RBM41: variants seen among roughly 807,000 people sequenced by gnomAD.
The protein encoded by RBM41 is RNA-binding protein 41.
RBM41 carries 14 observed loss-of-function variants against 30.8 expected under a neutral mutation model. The observed-to-expected ratio is 0.45, with a 90% CI of 0.30 to 0.71. RBM41 has a LOEUF of 0.71. Ranked by LOEUF, RBM41 falls within the 30% of genes least tolerant of loss-of-function variation. The pLI is 0.08. For synonymous variants in RBM41, 120 were observed against 110.1 expected, an observed-to-expected ratio of 1.09 and a Z score of -0.56; for missense variants, 276 against 326.3, an observed-to-expected ratio of 0.85 and a Z score of 1.19.
At chrX:107,079,632 A>G (rs928636840) in intron 6 of RBM41, among the ~76,000 whole-genome samples, 4 of 111,725 alleles carry the variant, frequency 3.6e-5, no homozygotes, top group Non-Finnish European at 5.7e-5. Context: ...AACCTCCTAA[A>G]TGAGTTTTTA....
At chrX:107,097,046 C>T (rs1344419306) in intron 5 of RBM41, among the ~76,000 whole-genome samples, 3 of 111,815 alleles carry the variant, frequency 2.7e-5, no homozygotes, top group Non-Finnish European at 5.6e-5. Context: ...ACTGAAATGG[C>T]TGTAATAAAA....
rs781762089 is a variant in RBM41, at chrX:107,065,092, T to C, written c.*2435A>G. On this transcript the variant is annotated 3_prime_UTR_variant, in exon 8 of 8. Coordinates refer to ENST00000685964, the MANE Select transcript of RBM41 (RefSeq NM_001324242.2). ...TAGAATAGCCACTCCAGCTTTCTTA[T>C]GGCTGTTGTCTGTGTGATATATTTG... 2.7e-5 allele frequency: 3 copies of C among 112,114 alleles called. No individual in the cohort carries two copies. Among genetic ancestry groups the C allele is most frequent in the South Asian group, 7.5e-4 (2 of 2,672 alleles). The allele number at this position is 112,114 out of a possible 1,213,427, so 9.2% of individuals were successfully genotyped here.
chrX:107,115,244 C>T, intron 4 of RBM41, 108 bp downstream of exon 4: 1 of 825,588 alleles, frequency 1.2e-6, no homozygotes, highest in Non-Finnish European at 1.8e-6. Flanking sequence ...AAAGTAGTGA[C>T]AATTTGTCTT....
rs769455123 is a variant in RBM41, at chrX:107,118,518, T to A, written c.8+248A>T. 5.7e-3 allele frequency among the ~76,000 whole-genome samples: 630 copies of A among 110,572 alleles called. 6 individuals carry two copies. The highest frequency in any genetic ancestry group is 0.02 in the African/African-American group (610 of 30,377). On this transcript the variant is annotated intron_variant, in intron 1 of 7. Coordinates refer to ENST00000685964, the MANE Select transcript of RBM41 (RefSeq NM_001324242.2). ...GACGAAGCCGCAGCACCCGGCCAGCTCCCGGGGCCCGTGCCGGGAGGGCAT... is the reference window on the plus strand; with the variant it reads ...GACGAAGCCGCAGCACCCGGCCAGCACCCGGGGCCCGTGCCGGGAGGGCAT...
At chrX:107,078,752 G>A (rs1285545) in intron 6 of RBM41, among the ~76,000 whole-genome samples, 5,522 of 103,728 alleles carry the variant, frequency 0.053, 372 homozygotes, top group African/African-American at 0.19. Flanking sequence ...TCATCATGTC[G>A]AAGAACAATA....
At chrX:107,117,394 C>T (rs1924965559) in intron 1 of RBM41, among the ~76,000 whole-genome samples, 1 of 111,752 alleles carries the variant, frequency 8.9e-6, no homozygotes, top group Admixed American at 9.5e-5. Flanking sequence ...AGTTATGAAA[C>T]TACTGAAGTA....
At chrX:107,107,848 A>T (rs917230227) in intron 5 of RBM41, among the ~76,000 whole-genome samples, 2 of 111,200 alleles carry the variant, frequency 1.8e-5, no homozygotes, top group African/African-American at 3.3e-5. Flanking sequence ...ATGGTATGTG[A>T]ATTTAAGAGA....
At chrX:107,077,130 C>A (rs1251248011) in intron 6 of RBM41, among the ~76,000 whole-genome samples, 1 of 111,088 alleles carries the variant, frequency 9.0e-6, no homozygotes, top group Non-Finnish European at 1.9e-5. Flanking sequence ...AGACTGTTCC[C>A]TTTGATATGA....
chrX:107,057,363 TTG>T (rs5903295), downstream of RBM41, among the ~76,000 whole-genome samples: 30,550 of 110,907 alleles, frequency 0.28, 3,782 homozygotes, highest in East Asian at 0.47. Context: ...TTTTGGTATG[TTG>T]TGTTTTTGTT....
At position 107,088,953 on chromosome X, in the gene RBM41, T is replaced by A. The variant is rs1353385153; in HGVS notation, c.596-114A>T. On this transcript the variant is annotated intron_variant, in intron 5 of 7. Transcript: ENST00000685964. The stretch of plus-strand genomic sequence containing the variant: ...GATAAAGAAACACTGCTGGGGCAGG[T>A]CTTTACAACCTGTGACAAATGACAA... 1.8e-5 allele frequency: 18 copies of A among 988,212 alleles called. No individual in the cohort carries two copies. In the East Asian group the frequency reaches 5.7e-4, roughly 31 times the overall value. The allele number at this position is 988,212 out of a possible 1,213,427, so 81.4% of individuals were successfully genotyped here.
At position 107,066,669 on chromosome X, in the gene RBM41, C is replaced by G; in HGVS notation, c.*858G>C. On this transcript the variant is annotated 3_prime_UTR_variant, in exon 8 of 8. Transcript: ENST00000685964. ...CTGACTCCAGTTTGTACTACTTCCT[C>G]TCTGTATATTGTTTTTTTATTTTCC... The G allele has an allele frequency of 1.4e-6, 1 of 740,522 alleles. No homozygotes were observed. Among genetic ancestry groups the G allele is most frequent in the South Asian group, 6.9e-5 (1 of 14,483 alleles). The allele number at this position is 740,522 out of a possible 1,213,427, so 61.0% of individuals were successfully genotyped here. A position where few individuals can be genotyped will look rare whatever the true frequency, so the allele number is the denominator to read the frequency against.
intron 5 of RBM41, among the ~76,000 whole-genome samples, chrX:107,109,932 C>T (rs1924327951): frequency 9.0e-6 from 1 of 111,160 alleles, no homozygotes; most frequent in African/African-American, 3.3e-5. Context: ...TTTCGAATTT[C>T]ATTCCACTGT....
intron 5 of RBM41, 44 bp from the exon 6 acceptor site, chrX:107,088,883 A>G (rs750205863): frequency 1.7e-6 from 2 of 1,143,546 alleles, no homozygotes; most frequent in Non-Finnish European, 2.3e-6. Flanking sequence ...AAAGCCTACC[A>G]ATACAACCTT....
rs761036475 is a variant in RBM41, at chrX:107,116,715, T to G, written c.60A>C (p.Thr20=). The change falls in exon 2 of 8, where the codon ACA becomes ACC. Residue 20 remains threonine, a synonymous_variant. Coordinates refer to ENST00000685964, the MANE Select transcript of RBM41 (RefSeq NM_001324242.2). The part of the protein sequence containing the change: ...SDEHVLEELE[T]EGERQLKSLL... ...GGCTTTTCAGCTGCCTCTCCCCTTC[T>G]GTTTCCAGCTCCTCCAGGACATGCT... 6 of 1,211,195 alleles carry G rather than the reference T, an allele frequency of 5.0e-6. 1 individual carries two copies. In the South Asian group the frequency reaches 8.8e-5, roughly 18 times the overall value.
intron 6 of RBM41, among the ~76,000 whole-genome samples, chrX:107,079,391 T>C (rs1602562305): frequency 1.8e-5 from 2 of 111,615 alleles, no homozygotes; most frequent in South Asian, 3.8e-4. Flanking sequence ...CCATTATGCA[T>C]GTATAAGAGT....
chrX:107,053,443 T>C, the RBM41 span, among the ~76,000 whole-genome samples: 1 of 113,263 alleles, frequency 8.8e-6, no homozygotes, highest in East Asian at 2.8e-4. Context: ...GTTTGAGGTA[T>C]GGGTTATTTC....
chrX:107,061,328 TACA>T (rs759881069), downstream of RBM41, among the ~76,000 whole-genome samples: 41 of 112,326 alleles, frequency 3.7e-4, no homozygotes, highest in African/African-American at 1.3e-3. Context: ...TTATTATTTT[TACA>T]ACTTTTCTAT....
At chrX:107,056,771 A>G in the RBM41 span, among the ~76,000 whole-genome samples, 5 of 107,152 alleles carry the variant, frequency 4.7e-5, no homozygotes, top group African/African-American at 1.7e-4. Flanking sequence ...TAACCACTAT[A>G]GGTAATGGTT....
chrX:107,118,166 CAAGT>C (rs1385274786), intron 1 of RBM41, among the ~76,000 whole-genome samples: 1 of 110,550 alleles, frequency 9.0e-6, no homozygotes, highest in African/African-American at 3.3e-5. Flanking sequence ...TACCTCAGGA[CAAGT>C]AAGGGGAACT....
Sources: gnomAD v4.1 joint callset for allele counts (sites outside exome capture counted in the v4.1 genomes callset) on GRCh38, gnomAD v4.1.1 for gene constraint, MANE v1.5 for transcripts, NCBI Gene and HGNC (gene_info 2026-07-23, HGNC 2026-07-21) for gene names.